The following FBXO10 variants were observed in gnomAD, a reference collection of about 807,000 sequenced individuals.
FBXO10 encodes F-box protein 10, also known as F-box only protein 10.
A neutral mutation model predicts 80.7 loss-of-function variants in FBXO10; 39 were observed. That is an observed-to-expected ratio of 0.48 (90% CI 0.37 to 0.63). The LOEUF (loss-of-function observed/expected upper bound fraction) is 0.63, where lower values mean the gene tolerates loss of function less well. Among genes scored for constraint, FBXO10 ranks in the 30% least tolerant of loss-of-function variants. The pLI is 0.00. For missense variants in FBXO10, 1,025 were observed against 1,269.0 expected (o/e 0.81, Z 2.92); for synonymous variants, 449 against 489.6 (o/e 0.92, Z 1.09).
chr9:37,554,019 C>G (rs749698466), intron 1 of FBXO10, among the ~76,000 whole-genome samples: 3 of 151,698 alleles, frequency 2.0e-5, no homozygotes, highest in Non-Finnish European at 4.4e-5. Flanking sequence ...TAATATCCCA[C>G]TAGCATGGTG....
intron 8 of FBXO10, among the ~76,000 whole-genome samples, chr9:37,520,204 A>G: frequency 6.2e-5 from 1 of 16,108 alleles, no homozygotes; most frequent in East Asian, 2.1e-3. Context: ...TCCCACCCCC[A>G]CCCCACAGTG....
intron 1 of FBXO10, among the ~76,000 whole-genome samples, chr9:37,571,713 C>CCATATA (rs1442289502): frequency 3.6e-5 from 1 of 27,796 alleles, no homozygotes; most frequent in Admixed American, 4.1e-4. Flanking sequence ...GAAAAGAGAG[C>CCATATA]CATATATATA....
chr9:37,525,591 C>T (rs1821450592), intron 5 of FBXO10, among the ~76,000 whole-genome samples: 1 of 151,956 alleles, frequency 6.6e-6, no homozygotes, highest in South Asian at 2.1e-4. Context: ...GCTCTGTTGC[C>T]CATGCTGGAG....
Position 37,512,387 on chromosome 9 carries a change from G to T in FBXO10, c.*160C>A. ...ACATTGCCCACTTTCTTCTTGCTAT[G>T]GGCTGTGGAGCTGAAGTGTTCTGGA... is the stretch of plus-strand genomic sequence containing the variant. On this transcript the variant is annotated 3_prime_UTR_variant, in exon 11 of 11. Transcript: ENST00000432825. 1.6e-6 allele frequency: 1 copy of T among 613,010 alleles called. No homozygotes were observed. 38.0% of individuals were successfully genotyped at this position (613,010 alleles called of 1,614,324 possible).
At chr9:37,556,684 C>G (rs922973283) in intron 1 of FBXO10, among the ~76,000 whole-genome samples, 1 of 151,912 alleles carries the variant, frequency 6.6e-6, no homozygotes, top group Non-Finnish European at 1.5e-5. Flanking sequence ...GCTGGGATTA[C>G]AGGTGTGTGC....
intron 1 of FBXO10, among the ~76,000 whole-genome samples, chr9:37,548,269 C>G (rs112786729): frequency 5.3e-5 from 8 of 152,004 alleles, no homozygotes; most frequent in African/African-American, 1.7e-4. Flanking sequence ...CCTGTAATCC[C>G]AGTTACTCAG....
chr9:37,522,775 G>A, intron 7 of FBXO10, 50 bp downstream of exon 7: 1 of 1,545,222 alleles, frequency 6.5e-7, no homozygotes, highest in Middle Eastern at 1.7e-4. Context: ...AGCTGGAGAT[G>A]GAACCTGGGC....
intron 1 of FBXO10, among the ~76,000 whole-genome samples, chr9:37,544,823 T>A (rs940253575): frequency 2.6e-5 from 4 of 151,380 alleles, no homozygotes; most frequent in Non-Finnish European, 4.4e-5. Flanking sequence ...TGAAACCCCG[T>A]CTCTACTAAA....
chr9:37,559,331 C>G (rs1822419180), intron 1 of FBXO10, among the ~76,000 whole-genome samples: 2 of 152,186 alleles, frequency 1.3e-5, no homozygotes, highest in South Asian at 4.1e-4. Context: ...GATGCAGCAT[C>G]CTTCTTCCTC....
At chr9:37,557,209 C>T (rs189797318) in intron 1 of FBXO10, among the ~76,000 whole-genome samples, 94 of 152,246 alleles carry the variant, frequency 6.2e-4, no homozygotes, top group Non-Finnish European at 1.1e-3. Flanking sequence ...ACAATTGACC[C>T]GACCATCATC....
intron 10 of FBXO10, among the ~76,000 whole-genome samples, chr9:37,514,294 A>G (rs1261054231): frequency 6.6e-6 from 1 of 152,090 alleles, no homozygotes; most frequent in East Asian, 1.9e-4. Context: ...GACAATTAGG[A>G]CCTCAGGGTA....
chr9:37,522,817 CTCCTCACCGTAGA>C lies in FBXO10; in HGVS notation c.1925_1930+7del. ...CCTCCCCGGCTGGGTTGGGAACAAGCTCCTCACCGTAGATGGTATTTCCTTCTATGAGGCCTTT... is the reference window on the plus strand; with the variant it reads ...CCTCCCCGGCTGGGTTGGGAACAAGCTGGTATTTCCTTCTATGAGGCCTTT... On this transcript the variant is annotated splice_donor_variant and splice_donor_5th_base_variant and coding_sequence_variant and intron_variant, in exon 7 of 11. Coordinates refer to ENST00000432825, the MANE Select transcript of FBXO10 (RefSeq NM_012166.3). LOFTEE classifies it high-confidence loss of function. 1 of 1,551,664 alleles carries C rather than the reference CTCCTCACCGTAGA, an allele frequency of 6.4e-7. No individual in the cohort carries two copies. The highest frequency in any genetic ancestry group is 1.2e-5 in the South Asian group (1 of 84,006).
chr9:37,529,410 GGTCAC>G, intron 4 of FBXO10, 150 bp from the exon 5 acceptor site: 1 of 798,744 alleles, frequency 1.3e-6, no homozygotes. Context: ...AAAGGGAATG[GGTCAC>G]ACTGCCGCCC....
intron 1 of FBXO10, among the ~76,000 whole-genome samples, chr9:37,565,844 C>T (rs1263885591): frequency 6.6e-6 from 1 of 152,096 alleles, no homozygotes; most frequent in Non-Finnish European, 1.5e-5. Flanking sequence ...AGGACTGGGA[C>T]ATTCAGAGGA....
At chr9:37,568,179 C>T (rs1486179640) in intron 1 of FBXO10, among the ~76,000 whole-genome samples, 3 of 152,080 alleles carry the variant, frequency 2.0e-5, no homozygotes, top group African/African-American at 2.4e-5. Context: ...CAAATCCTGA[C>T]AGTTTTCTCA....
intron 4 of FBXO10, among the ~76,000 whole-genome samples, 198 bp downstream of exon 4, chr9:37,531,711 C>T (rs960566646): frequency 6.6e-6 from 1 of 152,122 alleles, no homozygotes; most frequent in African/African-American, 2.4e-5. Context: ...GGGGAGATGA[C>T]CAGAAAATGA....
At chr9:37,544,775 A>G (rs1822009979) in intron 1 of FBXO10, among the ~76,000 whole-genome samples, 1 of 152,030 alleles carries the variant, frequency 6.6e-6, no homozygotes, top group Admixed American at 6.6e-5. Context: ...TGGGCGGATC[A>G]CGAGGTCAGG....
Position 37,518,160 on chromosome 9 carries a change from T to G in FBXO10, c.2479A>C (p.Ser827Arg). The G allele has an allele frequency of 6.2e-7, 1 of 1,614,026 alleles. No individual in the cohort carries two copies. The highest frequency in any genetic ancestry group is 8.5e-7 in the Non-Finnish European group (1 of 1,179,866). The part of the protein sequence containing the change: ...IENDIIGNRG[S>R]GLQLLPRSDT... Reference sequence around the variant, plus strand: ...GACCTGGGCAGCAGCTGCAGCCCGCTGCCCCGGTTGCCAATGATATCGTTT... The same window carrying G: ...GACCTGGGCAGCAGCTGCAGCCCGCGGCCCCGGTTGCCAATGATATCGTTT... Residue 827 changes from serine to arginine, a missense_variant, in exon 9 of 11, where the codon AGC becomes CGC. Ser to Arg is a moderately radical substitution (Grantham distance 110). This residue lies in a region of FBXO10 where 478 missense variants were observed against 667.8 expected (regional missense o/e 0.72). Coordinates refer to ENST00000432825, the MANE Select transcript of FBXO10 (RefSeq NM_012166.3).
At chr9:37,536,363 T>C (rs1387977274) in intron 3 of FBXO10, among the ~76,000 whole-genome samples, 2 of 152,174 alleles carry the variant, frequency 1.3e-5, no homozygotes, top group Non-Finnish European at 2.9e-5. Flanking sequence ...ATGGGCTGTC[T>C]TTCCCTTCAG....
Sources: gnomAD v4.1 joint callset for allele counts (sites outside exome capture counted in the v4.1 genomes callset) on GRCh38, gnomAD v4.1.1 for gene constraint, gnomAD v4.1.1 regional missense constraint, MANE v1.5 for transcripts, NCBI Gene and HGNC (gene_info 2026-07-23, HGNC 2026-07-21) for gene names.